GBE1: variants seen among roughly 807,000 people sequenced by gnomAD.
GBE1 encodes 1,4-alpha-glucan branching enzyme 1.
In GBE1, 70 loss-of-function variants were observed where a neutral mutation model predicts 88.8. The observed-to-expected ratio is 0.79, with a 90% CI of 0.65 to 0.96. The LOEUF (loss-of-function observed/expected upper bound fraction) is 0.96. Among genes scored for constraint, GBE1 ranks in the 40% least tolerant of loss-of-function variants. The pLI is 0.00. For synonymous variants in GBE1, 284 were observed against 300.1 expected, an observed-to-expected ratio of 0.95 and a Z score of 0.56; for missense variants, 872 against 871.0, an observed-to-expected ratio of 1.00 and a Z score of -0.01.
rs117003016 is a variant in GBE1, at chr3:81,564,005, T to C, written c.1618+13920A>G. Among the ~76,000 whole-genome samples, 41 of 151,988 alleles carry C rather than the reference T, an allele frequency of 2.7e-4. No homozygotes were observed. In the East Asian group the frequency reaches 7.7e-3, roughly 29 times the overall value. On this transcript the variant is annotated intron_variant, in intron 12 of 15. Transcript: ENST00000429644. ...AGGATTGTTATGGTTTAAATGACAA[T>C]ATCCCCTCTAAAATTCCTGTAGAAA...
chr3:81,615,469 A>G (rs974766124), intron 7 of GBE1, among the ~76,000 whole-genome samples: 6 of 152,184 alleles, frequency 3.9e-5, no homozygotes, highest in African/African-American at 1.4e-4. Flanking sequence ...CCTGGAAAAC[A>G]CTAATTTCTT....
intron 7 of GBE1, among the ~76,000 whole-genome samples, chr3:81,607,151 C>T (rs1194535479): frequency 6.6e-6 from 1 of 152,096 alleles, no homozygotes; most frequent in African/African-American, 2.4e-5. Flanking sequence ...ATTCACAGTG[C>T]CTTGTTATTT....
intron 5 of GBE1, 60 bp from the exon 6 acceptor site, chr3:81,646,542 G>C: frequency 2.2e-6 from 2 of 892,726 alleles, no homozygotes; most frequent in Non-Finnish European, 3.5e-6. Flanking sequence ...AAGTAATGGG[G>C]AAAAAAAGCA....
chr3:81,725,534 A>G (rs1706098822), intron 1 of GBE1, among the ~76,000 whole-genome samples: 1 of 152,176 alleles, frequency 6.6e-6, no homozygotes. Context: ...TTTAATATAC[A>G]TAGTAGTAGT....
chr3:81,693,632 T>C (rs1015860927), intron 2 of GBE1, among the ~76,000 whole-genome samples: 9 of 152,114 alleles, frequency 5.9e-5, no homozygotes, highest in African/African-American at 2.2e-4. Flanking sequence ...GTACTGTTAC[T>C]TAAGGGAAGG....
At chr3:81,551,329 G>T (rs959665027) in intron 12 of GBE1, among the ~76,000 whole-genome samples, 2 of 152,140 alleles carry the variant, frequency 1.3e-5, no homozygotes, top group Non-Finnish European at 2.9e-5. Flanking sequence ...CATGATGGGG[G>T]GTGCTGGACA....
chr3:81,678,649 C>A (rs1358236218), intron 2 of GBE1, among the ~76,000 whole-genome samples: 1 of 152,010 alleles, frequency 6.6e-6, no homozygotes, highest in Admixed American at 6.6e-5. Flanking sequence ...GCAAAGAATG[C>A]ATAGAAATTA....
At chr3:81,668,607 G>A (rs944971662) in intron 3 of GBE1, among the ~76,000 whole-genome samples, 2 of 152,218 alleles carry the variant, frequency 1.3e-5, no homozygotes, top group African/African-American at 2.4e-5. Context: ...AAAAATCGAT[G>A]AGCTGTTTAT....
At position 81,559,768 on chromosome 3, in the gene GBE1, G is replaced by A. The variant is rs532805923; in HGVS notation, c.1618+18157C>T. ...AATTGTTTGATTATACCTCTTCAAA[G>A]AGAATACAAAAGGAGTACACCATCA... On this transcript the variant is annotated intron_variant, in intron 12 of 15. Coordinates refer to ENST00000429644, the MANE Select transcript of GBE1 (RefSeq NM_000158.4). Among the ~76,000 whole-genome samples the A allele has an allele frequency of 9.9e-5, 15 of 152,002 alleles. No homozygotes were observed. The South Asian group carries it at 2.9e-3, about 29-fold the overall frequency.
chr3:81,712,854 G>T (rs1213580156), intron 1 of GBE1, among the ~76,000 whole-genome samples: 2 of 151,746 alleles, frequency 1.3e-5, no homozygotes, highest in African/African-American at 2.4e-5. Context: ...TCTTTAAAAA[G>T]ACTGCATGTG....
At chr3:81,722,316 T>C (rs1266279805) in intron 1 of GBE1, among the ~76,000 whole-genome samples, 2 of 152,148 alleles carry the variant, frequency 1.3e-5, no homozygotes, top group African/African-American at 4.8e-5. Context: ...TTTAAAGGGT[T>C]GCCCATTTAA....
At chr3:81,547,250 C>T (rs1703217801) in intron 12 of GBE1, among the ~76,000 whole-genome samples, 1 of 151,302 alleles carries the variant, frequency 6.6e-6, no homozygotes, top group African/African-American at 2.4e-5. Flanking sequence ...GGGTTCGAGG[C>T]CCAACTTAGG....
At chr3:81,509,288 G>A (rs1048907281) in intron 14 of GBE1, among the ~76,000 whole-genome samples, 4 of 142,518 alleles carry the variant, frequency 2.8e-5, no homozygotes, top group Non-Finnish European at 6.1e-5. Flanking sequence ...AAATTTTAGG[G>A]TTTGTCTTTT....
chr3:81,524,100 A>G (rs1215627137), intron 14 of GBE1, among the ~76,000 whole-genome samples: 1 of 151,748 alleles, frequency 6.6e-6, no homozygotes, highest in African/African-American at 2.4e-5. Flanking sequence ...GGCTGTACTG[A>G]TTGACAACCC....
chr3:81,505,095 T>C (rs1347882436), intron 14 of GBE1, among the ~76,000 whole-genome samples: 1 of 152,212 alleles, frequency 6.6e-6, no homozygotes, highest in Non-Finnish European at 1.5e-5. Context: ...AAAATATCAC[T>C]ACCACATCAA....
chr3:81,554,014 T>C (rs1703314360), intron 12 of GBE1, among the ~76,000 whole-genome samples: 1 of 152,168 alleles, frequency 6.6e-6, no homozygotes, highest in Admixed American at 6.6e-5. Context: ...ATGAGTGTTA[T>C]ACTTTTGCAC....
At chr3:81,501,213 C>T (rs921868036) in intron 14 of GBE1, among the ~76,000 whole-genome samples, 1 of 152,048 alleles carries the variant, frequency 6.6e-6, no homozygotes, top group African/African-American at 2.4e-5. Flanking sequence ...GAGCTTGTGC[C>T]GGGGGCAGTA....
chr3:81,580,321 GA>G (rs930313335), intron 11 of GBE1, among the ~76,000 whole-genome samples: 3 of 151,138 alleles, frequency 2.0e-5, no homozygotes, highest in Non-Finnish European at 3.0e-5. Context: ...GAAAGACAAT[GA>G]AAAAAAAATT....
At chr3:81,668,648 A>C (rs1036581966) in intron 3 of GBE1, among the ~76,000 whole-genome samples, 23 of 152,246 alleles carry the variant, frequency 1.5e-4, no homozygotes, top group African/African-American at 5.5e-4. Context: ...TGCTGGGTCT[A>C]GTAATGAGGT....
Sources: allele counts gnomAD v4.1 joint callset (sites outside exome capture counted in the v4.1 genomes callset), GRCh38; gene constraint gnomAD v4.1.1; transcripts MANE v1.5; gene names NCBI Gene and HGNC (gene_info 2026-07-23, HGNC 2026-07-21).